WFDC1: variants seen among roughly 807,000 people sequenced by gnomAD.
WFDC1 encodes WAP four-disulfide core domain protein 1.
WFDC1 carries 39 observed loss-of-function variants against 32.9 expected under a neutral mutation model. The observed-to-expected ratio is 1.19, with a 90% confidence interval of 0.92 to 1.55. WFDC1 has a LOEUF of 1.55. Ranked by LOEUF, WFDC1 falls within the 40% of genes most tolerant of loss-of-function variation. The pLI is 0.00. For missense variants in WFDC1, 386 were observed against 309.5 expected, an observed-to-expected ratio of 1.25 and a Z score of -1.85; for synonymous variants, 184 against 137.4, an observed-to-expected ratio of 1.34 and a Z score of -2.37.
At chr16:84,328,798 C>T (rs1283257263) in intron 6 of WFDC1, 1 of 127,136 alleles carries the variant, frequency 7.9e-6, no homozygotes, top group Non-Finnish European at 1.9e-5. Context: ...AAAAAAAATA[C>T]AAAACTACCC....
In WFDC1 at chr16:84,324,363, C is replaced by T. The variant is rs1212724558; in HGVS notation, c.563-56C>T. On this transcript the variant is annotated intron_variant, in intron 4 of 6. Transcript: ENST00000219454. ...TAATTCCTCAGTGTTATTATGACAA[C>T]AGTTTTGGCCTTCTAAACTCCTAAA... 23 of 1,504,398 alleles carry T rather than the reference C, an allele frequency of 1.5e-5. No homozygotes were observed. The East Asian group carries it at 4.7e-4, about 31-fold the overall frequency. 93.2% of individuals were successfully genotyped at this position (1,504,398 alleles called of 1,614,324 possible). A position where few individuals can be genotyped will look rare whatever the true frequency, so the allele number is the denominator to read the frequency against.
intron 1 of WFDC1, 164 bp downstream of exon 1, chr16:84,295,279 T>C (rs1314062834): frequency 1.0e-5 from 9 of 860,842 alleles, no homozygotes; most frequent in Non-Finnish European, 1.5e-5. Context: ...GGTGGGCAGA[T>C]GGGGCTCACC....
rs747950638 is a variant in WFDC1 at position 84,311,384 on chromosome 16, A to ATTTTTTTTTTTT, written c.145-1569_145-1568insTTTTTTTTTTTT. Among the ~76,000 whole-genome samples, 10 of 118,304 alleles carry ATTTTTTTTTTTT rather than the reference A, an allele frequency of 8.5e-5. 3 individuals carry two copies. Among genetic ancestry groups the ATTTTTTTTTTTT allele is most frequent in the African/African-American group, 6.3e-5 (2 of 31,828 alleles). The allele number at this position is 118,304 out of a possible 152,430, so 77.6% of individuals were successfully genotyped here. On this transcript the variant is annotated intron_variant, in intron 1 of 6. Coordinates refer to ENST00000219454, the MANE Select transcript of WFDC1 (RefSeq NM_021197.4). ...AGGTGCTCGCCACCACGCCCGGCTA[A>ATTTTTTTTTTTT]TTTTTTTTCTTTTTTTTGTATTTTT...
intron 5 of WFDC1, chr16:84,326,605 G>T (rs1327942531): frequency 7.0e-6 from 3 of 428,200 alleles, no homozygotes; most frequent in Non-Finnish European, 8.6e-6. Flanking sequence ...AGCTCTTGAG[G>T]TCGGAAGCAA....
Position 84,295,029 on chromosome 16 carries a change from T to G in WFDC1, c.58T>G (p.Cys20Gly), listed in dbSNP as rs751406965. The part of the protein sequence containing the change: ...SCRRQIIRAL[C>G]LLLLLLHAGS... ...CAGGAGGCAGATCATCCGGGCTCTG[T>G]GCCTCTTGCTACTTCTCCTCCACGC... The change falls in exon 1 of 7, where the codon TGC (cysteine) becomes GGC (glycine). Residue 20 changes from cysteine to glycine, a missense_variant. Physicochemically the swap from Cys to Gly is radical, Grantham distance 159 (BLOSUM62 -3). Transcript: ENST00000219454. 3 of 1,614,230 alleles carry G rather than the reference T, an allele frequency of 1.9e-6. No homozygotes were observed. The South Asian group carries it at 3.3e-5, about 18-fold the overall frequency.
At chr16:84,303,013 C>G (rs962719310) in intron 1 of WFDC1, among the ~76,000 whole-genome samples, 1 of 135,304 alleles carries the variant, frequency 7.4e-6, no homozygotes. Context: ...TCGTGAATTT[C>G]TTTCTTTCTT....
chr16:84,309,884 G>A (rs1441160780), intron 1 of WFDC1, among the ~76,000 whole-genome samples: 2 of 151,732 alleles, frequency 1.3e-5, no homozygotes, highest in African/African-American at 4.8e-5. Context: ...GTGTGTGTGT[G>A]TGTGATCTCC....
chr16:84,320,421 A>G (rs183697455), intron 4 of WFDC1, among the ~76,000 whole-genome samples: 80 of 152,342 alleles, frequency 5.3e-4, no homozygotes, highest in African/African-American at 1.9e-3. Flanking sequence ...AACTTCCAGA[A>G]CTTCTGCCAG....
chr16:84,298,620 G>C (rs992645068), intron 1 of WFDC1, among the ~76,000 whole-genome samples: 5 of 152,196 alleles, frequency 3.3e-5, no homozygotes, highest in Non-Finnish European at 7.3e-5. Flanking sequence ...GCTACATGAG[G>C]AGAGCTGGTG....
intron 4 of WFDC1, among the ~76,000 whole-genome samples, chr16:84,324,088 C>G (rs1908452380): frequency 6.6e-6 from 1 of 151,798 alleles, no homozygotes; most frequent in African/African-American, 2.4e-5. Context: ...CCACTGCACT[C>G]CAGCCTGGGC....
Position 84,318,562 on chromosome 16 carries a change from A to G in WFDC1, c.421+207A>G, listed in dbSNP as rs1176709199. 5 of 544,406 alleles carry G rather than the reference A, an allele frequency of 9.2e-6. No individual in the cohort carries two copies. The Admixed American group carries it at 1.2e-4, about 13-fold the overall frequency. The allele number at this position is 544,406 out of a possible 1,614,324, so 33.7% of individuals were successfully genotyped here. A position where few individuals can be genotyped will look rare whatever the true frequency, so the allele number is the denominator to read the frequency against. ...CAGAATCAAAGCCCAGTACAGAATA[A>G]GGGCTTCGACTCTCCCCAAGAATGG... On this transcript the variant is annotated intron_variant, in intron 3 of 6. Coordinates refer to ENST00000219454, the MANE Select transcript of WFDC1 (RefSeq NM_021197.4).
In WFDC1 at chr16:84,313,009, C is replaced by T. The variant is rs1260471902; in HGVS notation, c.193C>T (p.Arg65Cys). ...CGGCCCCCGGCAGCCCCGAGCAGAC[C>T]GCTGCCCGCCGCCTCCGCGGACGCT... ...PGGPRQPRAD[R>C]CPPPPRTLPP... The change falls in exon 2 of 7, where the codon CGC (arginine) becomes TGC (cysteine). Residue 65 changes from arginine to cysteine, a missense_variant. By Grantham distance (180) the Arg-to-Cys change is radical (BLOSUM62 -3). Transcript: ENST00000219454. The T allele has an allele frequency of 1.6e-6, 2 of 1,281,838 alleles. No individual in the cohort carries two copies. Among genetic ancestry groups the T allele is most frequent in the East Asian group, 3.3e-5 (1 of 30,376 alleles). The allele number at this position is 1,281,838 out of a possible 1,614,324, so 79.4% of individuals were successfully genotyped here. A position where few individuals can be genotyped will look rare whatever the true frequency, so the allele number is the denominator to read the frequency against.
chr16:84,326,383 C>T (rs1040709544), intron 5 of WFDC1: 1 of 159,688 alleles, frequency 6.3e-6, no homozygotes, highest in Non-Finnish European at 1.4e-5. Context: ...CCAGTCGCTG[C>T]TGTCATGCAG....
chr16:84,313,059 G>C lies in WFDC1; in HGVS notation c.243G>C (p.Ala81=). The C allele has an allele frequency of 7.2e-7, 1 of 1,396,522 alleles. No homozygotes were observed. The highest frequency in any genetic ancestry group is 1.5e-5 in the South Asian group (1 of 64,908). 86.5% of individuals were successfully genotyped at this position (1,396,522 alleles called of 1,614,324 possible). A position where few individuals can be genotyped will look rare whatever the true frequency, so the allele number is the denominator to read the frequency against. The stretch of plus-strand genomic sequence containing the variant: ...TGCCCCCCGGCGCCTGCCAGGCCGC[G>C]CGCTGTCAGGCGGACTCCGAGTGCC... ...RTLPPGACQA[A]RCQADSECPR... Residue 81 remains alanine, a synonymous_variant, in exon 2 of 7, where the codon GCG becomes GCC. Transcript: ENST00000219454.
In WFDC1 at chr16:84,328,834, C is replaced by G. The variant is rs1908755326; in HGVS notation, c.*16-488C>G. The G allele has an allele frequency of 1.3e-5, 2 of 152,078 alleles. 1 individual carries two copies. Among genetic ancestry groups the G allele is most frequent in the South Asian group, 4.2e-4 (2 of 4,806 alleles). 9.4% of individuals were successfully genotyped at this position (152,078 alleles called of 1,614,324 possible). ...AGGCATGGTGGTGTGCACCTGTGGT[C>G]CCAGCTACTTGGGAGGCTGTGGTGG... On this transcript the variant is annotated intron_variant, in intron 6 of 6. Transcript: ENST00000219454.
chr16:84,299,562 G>T (rs554059538), intron 1 of WFDC1, among the ~76,000 whole-genome samples: 2 of 152,334 alleles, frequency 1.3e-5, no homozygotes, highest in East Asian at 1.9e-4. Context: ...TGAGAACAAT[G>T]ATTTACTGAG....
At chr16:84,313,195 A>G (rs1907748789) in intron 2 of WFDC1, 42 bp downstream of exon 2, 1 of 1,382,720 alleles carries the variant, frequency 7.2e-7, no homozygotes, top group South Asian at 1.7e-5. Context: ...GGAGGAGGAC[A>G]GGTGAACAGA....
intron 1 of WFDC1, among the ~76,000 whole-genome samples, chr16:84,306,205 C>T (rs1237109814): frequency 2.6e-5 from 4 of 152,082 alleles, no homozygotes; most frequent in African/African-American, 7.2e-5. Context: ...TAGTGATTTT[C>T]CTGTATGATC....
intron 4 of WFDC1, among the ~76,000 whole-genome samples, chr16:84,320,575 C>G (rs1370147146): frequency 6.6e-6 from 1 of 152,184 alleles, no homozygotes; most frequent in Non-Finnish European, 1.5e-5. Flanking sequence ...TATCTAAAAC[C>G]ATCTCGAACC....
Sources: allele counts gnomAD v4.1 joint callset (sites outside exome capture counted in the v4.1 genomes callset), GRCh38; gene constraint gnomAD v4.1.1; transcripts MANE v1.5; gene names NCBI Gene and HGNC (gene_info 2026-07-23, HGNC 2026-07-21).